GRM7: variants seen among roughly 807,000 people sequenced by gnomAD.
GRM7 encodes the protein glutamate metabotropic receptor 7.
A neutral mutation model predicts 84.5 loss-of-function variants in GRM7; 35 were observed. That is an observed-to-expected ratio of 0.41 (90% CI 0.32 to 0.55). The LOEUF (loss-of-function observed/expected upper bound fraction) is 0.55, where lower values mean the gene tolerates loss of function less well. Among genes scored for constraint, GRM7 ranks in the 20% least tolerant of loss-of-function variants. GRM7 has a pLI of 0.19. For synonymous variants in GRM7, 487 were observed against 455.1 expected, an observed-to-expected ratio of 1.07 and a Z score of -0.89; for missense variants, 1,003 against 1,194.6, an observed-to-expected ratio of 0.84 and a Z score of 2.36.
chr3:7,085,920 A>C (rs1698441477), intron 1 of GRM7, among the ~76,000 whole-genome samples: 1 of 151,928 alleles, frequency 6.6e-6, no homozygotes, highest in African/African-American at 2.4e-5. Context: ...TCTAAAAACA[A>C]TTGGTGATGT....
Position 7,469,424 on chromosome 3 carries a change from T to C in GRM7, c.1515+7702T>C, listed in dbSNP as rs113538678. Among the ~76,000 whole-genome samples the C allele has an allele frequency of 2.1e-3, 318 of 152,332 alleles. 2 individuals carry two copies. Among genetic ancestry groups the C allele is most frequent in the African/African-American group, 6.9e-3 (285 of 41,576 alleles). ...GTTTTTGTTTTATTTCAGTTGATTTTTTTATTTTAGACACCTACCAGTGGC... is the reference window on the plus strand; with the variant it reads ...GTTTTTGTTTTATTTCAGTTGATTTCTTTATTTTAGACACCTACCAGTGGC... On this transcript the variant is annotated intron_variant, in intron 7 of 9. Transcript: ENST00000357716.
At chr3:7,475,755 C>T (rs1196293631) in intron 7 of GRM7, among the ~76,000 whole-genome samples, 1 of 152,190 alleles carries the variant, frequency 6.6e-6, no homozygotes, top group Non-Finnish European at 1.5e-5. Context: ...GCAGATTTCA[C>T]TGTCAAGCAT....
At chr3:7,165,293 A>T (rs1324272184) in intron 2 of GRM7, among the ~76,000 whole-genome samples, 2 of 152,206 alleles carry the variant, frequency 1.3e-5, no homozygotes, top group African/African-American at 2.4e-5. Flanking sequence ...GACAATCACA[A>T]GCTAGATTTG....
intron 1 of GRM7, among the ~76,000 whole-genome samples, chr3:6,870,979 A>G (rs897319861): frequency 7.9e-5 from 12 of 152,038 alleles, no homozygotes; most frequent in African/African-American, 2.7e-4. Flanking sequence ...CATTAAGAAT[A>G]ATTATCCGAA....
At chr3:7,737,912 A>G (rs550637379) in intron 9 of GRM7, among the ~76,000 whole-genome samples, 15 of 150,698 alleles carry the variant, frequency 1.0e-4, no homozygotes, top group South Asian at 2.1e-4. Context: ...CAATGGTGCA[A>G]TCTCAGCTCA....
At chr3:7,182,956 G>A (rs1481531606) in intron 2 of GRM7, among the ~76,000 whole-genome samples, 1 of 118,850 alleles carries the variant, frequency 8.4e-6, no homozygotes. Context: ...AGTAGTTTTT[G>A]AGCAGACTAT....
At chr3:7,633,231 C>T (rs1360132801) in intron 8 of GRM7, among the ~76,000 whole-genome samples, 1 of 152,228 alleles carries the variant, frequency 6.6e-6, no homozygotes, top group Non-Finnish European at 1.5e-5. Context: ...ATGGTAGACA[C>T]TCTTAAGGCA....
intron 2 of GRM7, among the ~76,000 whole-genome samples, chr3:7,164,925 C>G (rs151290318): frequency 6.1e-4 from 93 of 152,282 alleles, no homozygotes; most frequent in African/African-American, 2.1e-3. Context: ...TATGAAGAAG[C>G]TGAGAACAGA....
chr3:7,021,017 A>G (rs1217916013), intron 1 of GRM7, among the ~76,000 whole-genome samples: 1 of 152,134 alleles, frequency 6.6e-6, no homozygotes, highest in East Asian at 1.9e-4. Flanking sequence ...AATACACACA[A>G]AGAAGTTAGG....
intron 1 of GRM7, among the ~76,000 whole-genome samples, chr3:7,109,526 T>C (rs986913206): frequency 6.6e-6 from 1 of 152,106 alleles, no homozygotes; most frequent in African/African-American, 2.4e-5. Flanking sequence ...GGAAAAGTAA[T>C]CATTGCCAGT....
chr3:7,676,161 C>A (rs1700113085), intron 8 of GRM7, among the ~76,000 whole-genome samples: 1 of 152,054 alleles, frequency 6.6e-6, no homozygotes, highest in South Asian at 2.1e-4. Flanking sequence ...AAAATAATAA[C>A]CATGGGACTA....
intron 2 of GRM7, among the ~76,000 whole-genome samples, chr3:7,190,226 C>T (rs569466839): frequency 1.2e-4 from 18 of 152,194 alleles, no homozygotes; most frequent in African/African-American, 3.9e-4. Flanking sequence ...ATTTAGTATG[C>T]GCAGTTTCAG....
chr3:7,079,206 G>A (rs1364605797), intron 1 of GRM7, among the ~76,000 whole-genome samples: 1 of 152,100 alleles, frequency 6.6e-6, no homozygotes, highest in Non-Finnish European at 1.5e-5. Flanking sequence ...TAAAAGGCTG[G>A]CATTGTGTAA....
At chr3:7,616,771 T>G (rs972590231) in intron 8 of GRM7, among the ~76,000 whole-genome samples, 1 of 152,124 alleles carries the variant, frequency 6.6e-6, no homozygotes. Context: ...GAAAAGAAAC[T>G]CCACCTCAGA....
At chr3:6,949,569 A>G (rs7641542) in intron 1 of GRM7, among the ~76,000 whole-genome samples, 22,328 of 149,418 alleles carry the variant, frequency 0.15, 1,798 homozygotes, top group African/African-American at 0.2. Flanking sequence ...TCTTTGTGGC[A>G]TTCTCTGTAT....
At chr3:7,146,971 G>A (rs996051095) in intron 2 of GRM7, among the ~76,000 whole-genome samples, 1 of 152,086 alleles carries the variant, frequency 6.6e-6, no homozygotes, top group Non-Finnish European at 1.5e-5. Flanking sequence ...TGAAAACGTG[G>A]GAAAATGTGG....
intron 1 of GRM7, among the ~76,000 whole-genome samples, chr3:7,091,382 T>A (rs1336902538): frequency 6.6e-6 from 1 of 152,138 alleles, no homozygotes; most frequent in Non-Finnish European, 1.5e-5. Context: ...TTTCTACCAT[T>A]TGATATAAGA....
intron 2 of GRM7, among the ~76,000 whole-genome samples, chr3:7,230,032 G>C (rs1697142794): frequency 6.6e-6 from 1 of 150,720 alleles, no homozygotes; most frequent in Admixed American, 6.6e-5. Flanking sequence ...GTAGAGACGG[G>C]GTTTCACCGT....
At chr3:7,139,965 A>G (rs532717267) in intron 1 of GRM7, among the ~76,000 whole-genome samples, 2 of 152,018 alleles carry the variant, frequency 1.3e-5, no homozygotes, top group African/African-American at 4.8e-5. Flanking sequence ...CACAAATCAA[A>G]ATCAGGAAAA....
Sources: allele counts gnomAD v4.1 joint callset (sites outside exome capture counted in the v4.1 genomes callset), GRCh38; gene constraint gnomAD v4.1.1; transcripts MANE v1.5; gene names NCBI Gene and HGNC (gene_info 2026-07-23, HGNC 2026-07-21).